Variants in ROBO1 observed in about 807,000 individuals in gnomAD.
ROBO1 encodes the protein roundabout homolog 1.
ROBO1 carries 149 observed loss-of-function variants against 195.9 expected under a neutral mutation model. The observed-to-expected ratio is 0.76, with a 90% CI of 0.67 to 0.87. The LOEUF is 0.87. Ranked by LOEUF, ROBO1 falls within the 40% of genes least tolerant of loss-of-function variation. ROBO1 has a pLI of 0.00. For missense variants in ROBO1, 1,933 were observed against 2,068.3 expected (o/e 0.93, Z 1.27); for synonymous variants, 816 against 733.2 (o/e 1.11, Z -1.82).
At chr3:78,683,652 T>C (rs533222639) in intron 10 of ROBO1, among the ~76,000 whole-genome samples, 1 of 152,140 alleles carries the variant, frequency 6.6e-6, no homozygotes, top group African/African-American at 2.4e-5. Flanking sequence ...GGAATTGTAA[T>C]AAGATGCCAC....
chr3:79,624,368 G>A (rs889129997), intron 1 of ROBO1, among the ~76,000 whole-genome samples: 2 of 152,048 alleles, frequency 1.3e-5, no homozygotes, highest in African/African-American at 4.8e-5. Context: ...GAATGTAAAT[G>A]AGCTAAACAC....
intron 2 of ROBO1, among the ~76,000 whole-genome samples, chr3:79,485,790 G>T (rs922739468): frequency 6.6e-6 from 1 of 151,746 alleles, no homozygotes; most frequent in Middle Eastern, 3.4e-3. Flanking sequence ...AATTTAGTGC[G>T]TAGTCTTCTC....
At chr3:78,813,132 A>T (rs867704106) in intron 4 of ROBO1, among the ~76,000 whole-genome samples, 3 of 152,226 alleles carry the variant, frequency 2.0e-5, no homozygotes, top group Middle Eastern at 3.4e-3. Flanking sequence ...GTCAATTGCC[A>T]TATGATCTAA....
At chr3:79,698,346 T>G (rs1296968284) in intron 1 of ROBO1, among the ~76,000 whole-genome samples, 1 of 151,444 alleles carries the variant, frequency 6.6e-6, no homozygotes, top group Non-Finnish European at 1.5e-5. Context: ...CATTCTACCT[T>G]TATTATTGGT....
rs542960067 is a variant in ROBO1, at chr3:79,489,397, T to C, written c.88+100427A>G. Among the ~76,000 whole-genome samples, 5 of 152,188 alleles carry C rather than the reference T, an allele frequency of 3.3e-5. No individual in the cohort carries two copies. The South Asian group carries it at 1.0e-3, about 32-fold the overall frequency. ...TTGGCCAGGCGCAGTGGCTAACGCCTGTAATCTCAGCACTTTGGGAGGCCG... is the reference window on the plus strand; with the variant it reads ...TTGGCCAGGCGCAGTGGCTAACGCCCGTAATCTCAGCACTTTGGGAGGCCG... On this transcript the variant is annotated intron_variant, in intron 2 of 30. Transcript: ENST00000464233.
At chr3:78,915,188 T>C (rs148131610) in intron 4 of ROBO1, among the ~76,000 whole-genome samples, 2 of 152,274 alleles carry the variant, frequency 1.3e-5, no homozygotes, top group East Asian at 3.9e-4. Context: ...CTCAAATATA[T>C]GAAACTGACA....
chr3:78,895,762 G>C (rs565461389), intron 4 of ROBO1, among the ~76,000 whole-genome samples: 31 of 152,156 alleles, frequency 2.0e-4, no homozygotes, highest in African/African-American at 5.8e-4. Context: ...AATTTCTTTT[G>C]GACCAAAAGC....
intron 4 of ROBO1, among the ~76,000 whole-genome samples, chr3:78,856,293 GA>G (rs1237662391): frequency 0.08 from 6,112 of 76,564 alleles, 371 homozygotes; most frequent in African/African-American, 0.2. Context: ...GCAAAAAAAA[GA>G]AAAAAAAAAA....
chr3:78,757,161 CG>C (rs2082955220), intron 4 of ROBO1, among the ~76,000 whole-genome samples: 1 of 152,042 alleles, frequency 6.6e-6, no homozygotes, highest in Non-Finnish European at 1.5e-5. Flanking sequence ...CAAAGTGGTG[CG>C]ATTAAAGGTG....
At chr3:79,586,202 CTT>C (rs1943825559) in intron 2 of ROBO1, among the ~76,000 whole-genome samples, 2 of 151,986 alleles carry the variant, frequency 1.3e-5, no homozygotes, top group East Asian at 1.9e-4. Flanking sequence ...AAAAACAAAA[CTT>C]AGAAATACAT....
chr3:79,513,909 C>A (rs1277782229), intron 2 of ROBO1, among the ~76,000 whole-genome samples: 2 of 152,014 alleles, frequency 1.3e-5, no homozygotes, highest in Non-Finnish European at 2.9e-5. Context: ...CTTTTATTTC[C>A]AAAGTTTTAG....
At chr3:79,282,224 G>A (rs2031567304) in intron 2 of ROBO1, among the ~76,000 whole-genome samples, 1 of 152,172 alleles carries the variant, frequency 6.6e-6, no homozygotes, top group Non-Finnish European at 1.5e-5. Context: ...ATTAAGTTTT[G>A]AAGATACTGT....
At chr3:79,539,214 G>C (rs556636169) in intron 2 of ROBO1, among the ~76,000 whole-genome samples, 1 of 152,174 alleles carries the variant, frequency 6.6e-6, no homozygotes, top group South Asian at 2.1e-4. Flanking sequence ...AAGGAGAAGT[G>C]CACATTTAAT....
At chr3:79,580,750 A>G (rs528708987) in intron 2 of ROBO1, among the ~76,000 whole-genome samples, 2 of 152,314 alleles carry the variant, frequency 1.3e-5, no homozygotes, top group African/African-American at 4.8e-5. Context: ...GTCACTATAT[A>G]CATGTGGTCA....
intron 4 of ROBO1, among the ~76,000 whole-genome samples, chr3:78,936,017 A>G (rs926517954): frequency 6.6e-6 from 1 of 152,050 alleles, no homozygotes; most frequent in Admixed American, 6.6e-5. Context: ...ACATTAACCA[A>G]TATCTGCACT....
intron 4 of ROBO1, among the ~76,000 whole-genome samples, chr3:78,869,143 G>GT (rs1378003398): frequency 2.0e-5 from 3 of 152,002 alleles, no homozygotes; most frequent in Non-Finnish European, 2.9e-5. Flanking sequence ...TGAAATTGAA[G>GT]TTTAACTATT....
chr3:79,174,734 T>G (rs2081235501), intron 2 of ROBO1, among the ~76,000 whole-genome samples: 1 of 151,224 alleles, frequency 6.6e-6, no homozygotes, highest in Admixed American at 6.6e-5. Flanking sequence ...CGGTCATGTG[T>G]GGTCGCAGCT....
At position 78,860,323 on chromosome 3, in the gene ROBO1, TATA is replaced by T. The variant is rs1333331889; in HGVS notation, c.499+78275_499+78277del. On this transcript the variant is annotated intron_variant, in intron 4 of 30. Coordinates refer to ENST00000464233, the MANE Select transcript of ROBO1 (RefSeq NM_002941.4). ...TATACTATATATATATATATATATATATATTTTTTTTTTTTTACTCATAAGGTG... is the reference window on the plus strand; with the variant it reads ...TATACTATATATATATATATATATATTTTTTTTTTTTTTACTCATAAGGTG... Among the ~76,000 whole-genome samples, 44 of 66,864 alleles carry T rather than the reference TATA, an allele frequency of 6.6e-4. 1 individual carries two copies. The highest frequency in any genetic ancestry group is 2.5e-3 in the African/African-American group (41 of 16,154). 43.9% of individuals were successfully genotyped at this position (66,864 alleles called of 152,430 possible).
rs573121882 is a variant in ROBO1, at chr3:78,629,184, G to A, written c.3627-1615C>T. On this transcript the variant is annotated intron_variant, in intron 25 of 30. Transcript: ENST00000464233. ...TCCATAAAACCCCTTCTTCTTAACT[G>A]AGAACCTTCTCATTTGTCCAGATCA... is the stretch of plus-strand genomic sequence containing the variant. Among the ~76,000 whole-genome samples, 17 of 152,186 alleles carry A rather than the reference G, an allele frequency of 1.1e-4. No homozygotes were observed. The East Asian group carries it at 3.3e-3, about 29-fold the overall frequency.
Sources: gnomAD v4.1 joint callset for allele counts (sites outside exome capture counted in the v4.1 genomes callset) on GRCh38, gnomAD v4.1.1 for gene constraint, MANE v1.5 for transcripts, NCBI Gene and HGNC (gene_info 2026-07-23, HGNC 2026-07-21) for gene names.